COL24A1: variants seen among roughly 807,000 people sequenced by gnomAD.
COL24A1 encodes the protein collagen alpha-1(XXIV) chain.
Under a neutral mutation model 253.9 loss-of-function variants are expected in COL24A1, and 224 were observed. The observed-to-expected ratio is 0.88, with a 90% CI of 0.79 to 0.99. The LOEUF (loss-of-function observed/expected upper bound fraction) is 0.99. COL24A1 is among the 50% of genes least tolerant of loss of function. The pLI, the probability that COL24A1 is intolerant of heterozygous loss-of-function variation, is 0.00. For missense variants in COL24A1, 2,131 were observed against 2,068.5 expected, an observed-to-expected ratio of 1.03 and a Z score of -0.59; for synonymous variants, 685 against 673.7, an observed-to-expected ratio of 1.02 and a Z score of -0.26.
intron 27 of COL24A1, among the ~76,000 whole-genome samples, chr1:85,908,152 T>G (rs756605495): frequency 2.0e-4 from 31 of 151,916 alleles, no homozygotes; most frequent in Non-Finnish European, 4.1e-4. Flanking sequence ...CACTTCATCA[T>G]CTTTTTGTAA....
chr1:85,774,331 C>CT (rs1282011354), intron 53 of COL24A1, among the ~76,000 whole-genome samples: 1 of 152,006 alleles, frequency 6.6e-6, no homozygotes, highest in Admixed American at 6.6e-5. Flanking sequence ...CTAAAATTCT[C>CT]TTTTTTTGTT....
intron 20 of COL24A1, 48 bp downstream of exon 20, chr1:85,987,553 C>G (rs761360359): frequency 6.8e-7 from 1 of 1,466,136 alleles, no homozygotes; most frequent in African/African-American, 1.4e-5. Context: ...GAATCAGGAG[C>G]TCTAGATAAC....
intron 31 of COL24A1, among the ~76,000 whole-genome samples, chr1:85,893,208 A>C (rs1571113255): frequency 6.6e-6 from 1 of 152,250 alleles, no homozygotes; most frequent in African/African-American, 2.4e-5. Flanking sequence ...ACTTTATGTG[A>C]GTATTAATAT....
At chr1:85,995,719 G>T (rs1694727221) in intron 19 of COL24A1, among the ~76,000 whole-genome samples, 1 of 152,068 alleles carries the variant, frequency 6.6e-6, no homozygotes, top group African/African-American at 2.4e-5. Flanking sequence ...TGGAGGTGGG[G>T]CCTGGTGGGA....
intron 47 of COL24A1, among the ~76,000 whole-genome samples, chr1:85,792,302 T>C (rs1445206821): frequency 6.6e-6 from 1 of 151,924 alleles, no homozygotes; most frequent in Non-Finnish European, 1.5e-5. Flanking sequence ...TTGAATATCA[T>C]CTATGCATAA....
intron 24 of COL24A1, among the ~76,000 whole-genome samples, chr1:85,919,379 CAAGA>C (rs1432532516): frequency 1.3e-5 from 2 of 152,088 alleles, no homozygotes; most frequent in South Asian, 2.1e-4. Context: ...GATGGAGCCA[CAAGA>C]AAGAGGGGGC....
At chr1:86,089,102 G>A in intron 7 of COL24A1, 72 bp downstream of exon 7, 1 of 1,195,426 alleles carries the variant, frequency 8.4e-7, no homozygotes, top group East Asian at 2.4e-5. Context: ...TTCAGAACAG[G>A]TATCCCTGAA....
chr1:86,155,488 C>G (rs1653435517), intron 1 of COL24A1: 1 of 152,490 alleles, frequency 6.6e-6, no homozygotes, highest in Non-Finnish European at 1.5e-5. Flanking sequence ...CTGACCTCTT[C>G]CAGGGGGACC....
intron 43 of COL24A1, among the ~76,000 whole-genome samples, chr1:85,829,343 G>A (rs1388403542): frequency 1.3e-5 from 2 of 151,358 alleles, no homozygotes; most frequent in Admixed American, 1.3e-4. Context: ...TTTCTCTCTG[G>A]CTGCCCTTAA....
intron 7 of COL24A1, among the ~76,000 whole-genome samples, chr1:86,072,690 G>A (rs1376613225): frequency 4.6e-5 from 7 of 152,152 alleles, no homozygotes; most frequent in Non-Finnish European, 1.5e-5. Flanking sequence ...TCGTGATTGG[G>A]AGACACCTCC....
At chr1:86,130,834 C>A (rs976167699) in intron 2 of COL24A1, among the ~76,000 whole-genome samples, 8 of 151,940 alleles carry the variant, frequency 5.3e-5, no homozygotes, top group Non-Finnish European at 1.2e-4. Context: ...GTTTGTATGG[C>A]ATTTATATTT....
intron 7 of COL24A1, among the ~76,000 whole-genome samples, chr1:86,083,596 G>A (rs746027122): frequency 1.5e-4 from 23 of 152,168 alleles, no homozygotes; most frequent in Non-Finnish European, 2.8e-4. Context: ...ACTAACAATC[G>A]CGCATAATCA....
At chr1:86,018,402 T>C (rs1697191573) in intron 18 of COL24A1, among the ~76,000 whole-genome samples, 1 of 152,168 alleles carries the variant, frequency 6.6e-6, no homozygotes, top group Non-Finnish European at 1.5e-5. Context: ...AAATCTGTGA[T>C]CCATCAGAAT....
chr1:85,803,897 G>A (rs1223012933), intron 47 of COL24A1, among the ~76,000 whole-genome samples: 2 of 151,992 alleles, frequency 1.3e-5, no homozygotes, highest in African/African-American at 4.8e-5. Flanking sequence ...GAATTGACTA[G>A]AATTTCCAGT....
intron 24 of COL24A1, among the ~76,000 whole-genome samples, chr1:85,955,399 G>A (rs1200312617): frequency 3.9e-5 from 6 of 152,226 alleles, no homozygotes; most frequent in Admixed American, 6.5e-5. Context: ...GATACAGAAA[G>A]CCCTCTGTCT....
chr1:86,010,598 C>T lies in COL24A1; in HGVS notation c.2310+6553G>A, dbSNP rs141480005. ...TAGCAATCCAATTCTAGCAATTCAC[C>T]ATGAAGATACACCTCCAACCGTATA... On this transcript the variant is annotated intron_variant, in intron 19 of 59. Coordinates refer to ENST00000370571, the MANE Select transcript of COL24A1 (RefSeq NM_152890.7). Among the ~76,000 whole-genome samples the T allele has an allele frequency of 7.3e-3, 1,104 of 152,182 alleles. 13 individuals are homozygous for T. The highest frequency in any genetic ancestry group is 0.026 in the African/African-American group (1,062 of 41,540).
intron 3 of COL24A1, among the ~76,000 whole-genome samples, chr1:86,116,346 T>C (rs1706134365): frequency 1.3e-5 from 2 of 152,226 alleles, no homozygotes; most frequent in Non-Finnish European, 2.9e-5. Flanking sequence ...CACTGTGACC[T>C]AATGTGCTTT....
intron 5 of COL24A1, among the ~76,000 whole-genome samples, chr1:86,099,665 T>C (rs1341242130): frequency 6.6e-6 from 1 of 152,178 alleles, no homozygotes; most frequent in African/African-American, 2.4e-5. Flanking sequence ...TTGACTGTAA[T>C]TCAAAATGTA....
intron 32 of COL24A1, among the ~76,000 whole-genome samples, chr1:85,885,270 G>A (rs553442435): frequency 2.9e-4 from 44 of 151,438 alleles, no homozygotes; most frequent in Non-Finnish European, 5.2e-4. Context: ...GCGCGATCTC[G>A]GCTCACTGCA....
Sources: allele counts gnomAD v4.1 joint callset (sites outside exome capture counted in the v4.1 genomes callset), GRCh38; gene constraint gnomAD v4.1.1; transcripts MANE v1.5; gene names NCBI Gene and HGNC (gene_info 2026-07-23, HGNC 2026-07-21).